The following ZNF225 variants were observed in gnomAD, a reference collection of about 807,000 sequenced individuals.
ZNF225 encodes the protein zinc finger protein 225.
A neutral mutation model predicts 12.0 loss-of-function variants in ZNF225; 6 were observed. The ratio of observed to expected loss-of-function variants is 0.50; its 90% CI spans 0.27 to 0.98. The LOEUF (loss-of-function observed/expected upper bound fraction) is 0.98. Among genes scored for constraint, ZNF225 ranks in the 50% least tolerant of loss-of-function variants. The pLI is 0.11. For synonymous variants in ZNF225, 271 were observed against 283.2 expected (o/e 0.96, Z 0.43); for missense variants, 763 against 848.2 (o/e 0.90, Z 1.25).
Position 44,122,687 on chromosome 19 carries a change from T to C in ZNF225, c.235+4113T>C, listed in dbSNP as rs570069997. 3.3e-5 allele frequency among the ~76,000 whole-genome samples: 5 copies of C among 152,308 alleles called. 1 individual carries two copies. Among genetic ancestry groups the C allele is most frequent in the Admixed American group, 3.3e-4 (5 of 15,302 alleles). On this transcript the variant is annotated intron_variant, in intron 4 of 4. Coordinates refer to ENST00000262894, the MANE Select transcript of ZNF225 (RefSeq NM_013362.4). ...TATGATTTCTTTCAGCAGCATTCTGTAGTTTTCCTTGTAGAGGTCTTTTGA... is the reference window on the plus strand; with the variant it reads ...TATGATTTCTTTCAGCAGCATTCTGCAGTTTTCCTTGTAGAGGTCTTTTGA...
chr19:44,119,585 C>T (rs564394533), intron 4 of ZNF225, among the ~76,000 whole-genome samples: 1 of 152,330 alleles, frequency 6.6e-6, no homozygotes, highest in Non-Finnish European at 1.5e-5. Flanking sequence ...TTATGCCTCT[C>T]TCTCCTGCCT....
intron 4 of ZNF225, among the ~76,000 whole-genome samples, chr19:44,127,064 C>A (rs1483736770): frequency 1.3e-5 from 2 of 152,354 alleles, no homozygotes. Flanking sequence ...AGGCTTCTTG[C>A]CTGGTTCAAA....
chr19:44,115,659 G>T, intron 1 of ZNF225, 101 bp from the exon 2 acceptor site: 1 of 578,794 alleles, frequency 1.7e-6, no homozygotes, highest in South Asian at 2.7e-5. Context: ...ATGCTGTTGG[G>T]AACATTCATG....
intron 2 of ZNF225, among the ~76,000 whole-genome samples, chr19:44,117,789 C>T (rs1301217180): frequency 3.3e-5 from 5 of 152,150 alleles, no homozygotes; most frequent in Non-Finnish European, 7.4e-5. Flanking sequence ...GAGGCCGAGG[C>T]AGGCGGATCA....
chr19:44,117,063 A>T (rs1348555051), intron 2 of ZNF225, among the ~76,000 whole-genome samples: 1 of 152,236 alleles, frequency 6.6e-6, no homozygotes. Flanking sequence ...TTGGAATACT[A>T]TGCAGACATG....
At chr19:44,123,184 G>GC in intron 4 of ZNF225, among the ~76,000 whole-genome samples, 1 of 152,058 alleles carries the variant, frequency 6.6e-6, no homozygotes, top group East Asian at 1.9e-4. Flanking sequence ...TGCCGATTTT[G>GC]TGAGTTTTAA....
Position 44,131,258 on chromosome 19 carries a change from A to C in ZNF225, c.644A>C (p.Gln215Pro), listed in dbSNP as rs1338352658. 1 of 1,614,140 alleles carries C rather than the reference A, an allele frequency of 6.2e-7. No homozygotes were observed. Among genetic ancestry groups the C allele is most frequent in the African/African-American group, 1.3e-5 (1 of 74,948 alleles). Residue 215 changes from glutamine (Q) to proline (P), a missense_variant, in exon 5 of 5, where the codon CAG (glutamine) becomes CCG (proline). Transcript: ENST00000262894. Reference protein sequence around the residue: ...NCDVCGKEFNQSSHLQIHQRI... With the variant: ...NCDVCGKEFNPSSHLQIHQRI... ...GATGTGTGTGGTAAGGAATTCAATCAGAGCTCACATCTGCAAATTCATCAG... is the reference window on the plus strand; with the variant it reads ...GATGTGTGTGGTAAGGAATTCAATCCGAGCTCACATCTGCAAATTCATCAG...
In ZNF225 at chr19:44,118,554, C is replaced by G; in HGVS notation, c.215C>G (p.Thr72Ser). ...EEKFWMMETA[T>S]QREGNLGGKI... ...AAGTTTTGGATGATGGAGACAGCAA[C>G]CCAAAGAGAAGGGAATTTAGGTAAG... Residue 72 changes from threonine to serine, a missense_variant, in exon 4 of 5, where the codon ACC becomes AGC. Transcript: ENST00000262894. 1.9e-6 allele frequency: 3 copies of G among 1,613,012 alleles called. No individual in the cohort carries two copies. Among genetic ancestry groups the G allele is most frequent in the Non-Finnish European group, 2.5e-6 (3 of 1,179,298 alleles).
chr19:44,129,875 G>C (rs750094216), intron 4 of ZNF225: 2 of 152,176 alleles, frequency 1.3e-5, no homozygotes, highest in African/African-American at 2.4e-5. Context: ...TGTGACTTAG[G>C]ATAATTTCTT....
rs1249584342 is a variant in ZNF225, at chr19:44,132,309, G to C, written c.1695G>C (p.Glu565Asp). 6.2e-7 allele frequency: 1 copy of C among 1,613,804 alleles called. No homozygotes were observed. The highest frequency in any genetic ancestry group is 2.2e-5 in the East Asian group (1 of 44,850). Residue 565 changes from glutamate to aspartate, a missense_variant, in exon 5 of 5, where the codon GAG becomes GAC. By Grantham distance (45) the Glu-to-Asp change is conservative. Coordinates refer to ENST00000262894, the MANE Select transcript of ZNF225 (RefSeq NM_013362.4). ...TGCACCAGAGGGTCCACACCGGAGA[G>C]AGACCTTATAATTGTAAAGAATGTG... is the stretch of plus-strand genomic sequence containing the variant. ...LDMHQRVHTGERPYNCKECGK... is the reference protein window; with the variant it reads ...LDMHQRVHTGDRPYNCKECGK...
chr19:44,127,951 C>T lies in ZNF225; in HGVS notation c.236-2899C>T, dbSNP rs138566624. On this transcript the variant is annotated intron_variant, in intron 4 of 4. Transcript: ENST00000262894. ...AGCCACCACTCCTAGCCAAAAAAAA[C>T]CTTTTCAAAGGAAGATTCTGATGTC... is the stretch of plus-strand genomic sequence containing the variant. Among the ~76,000 whole-genome samples the T allele has an allele frequency of 1.6e-4, 25 of 152,232 alleles. No homozygotes were observed. The East Asian group carries it at 4.6e-3, about 28-fold the overall frequency.
At position 44,130,739 on chromosome 19, in the gene ZNF225, G is replaced by C. The variant is rs1460770620; in HGVS notation, c.236-111G>C. 1.7e-5 allele frequency: 10 copies of C among 575,530 alleles called. 1 individual carries two copies. In the South Asian group the frequency reaches 2.3e-4, roughly 13 times the overall value. 35.7% of individuals were successfully genotyped at this position (575,530 alleles called of 1,614,324 possible). On this transcript the variant is annotated intron_variant, in intron 4 of 4. Transcript: ENST00000262894. Reference sequence around the variant, plus strand: ...AAAAAAAAAAAGGAAAATACAATCTGAACATTCCCTATATTTATTAAAATT... The same window carrying C: ...AAAAAAAAAAAGGAAAATACAATCTCAACATTCCCTATATTTATTAAAATT...
intron 4 of ZNF225, among the ~76,000 whole-genome samples, chr19:44,119,657 G>T (rs913265238): frequency 2.0e-5 from 3 of 152,138 alleles, no homozygotes; most frequent in African/African-American, 7.2e-5. Context: ...TCTCTTTCTT[G>T]TTAGCTGATT....
At chr19:44,114,695 G>A (rs1967903368) in intron 1 of ZNF225, among the ~76,000 whole-genome samples, 1 of 152,186 alleles carries the variant, frequency 6.6e-6, no homozygotes, top group African/African-American at 2.4e-5. Context: ...ATTTTTAGTA[G>A]AGAAGGGATT....
rs1033572008 is a variant in ZNF225, at chr19:44,118,132, C to T, written c.16-56C>T. ...TCCCCTCTGTCTGCTCAGTGCCACCCCTCTCTCAGTAGTCATTGGTCATGA... is the reference window on the plus strand; with the variant it reads ...TCCCCTCTGTCTGCTCAGTGCCACCTCTCTCTCAGTAGTCATTGGTCATGA... On this transcript the variant is annotated intron_variant, in intron 2 of 4. Transcript: ENST00000262894. The T allele has an allele frequency of 1.1e-5, 17 of 1,571,636 alleles. No individual in the cohort carries two copies. In the Admixed American group the frequency reaches 1.3e-4, roughly 12 times the overall value.
At chr19:44,128,656 C>T (rs1968192782) in intron 4 of ZNF225, 1 of 172,958 alleles carries the variant, frequency 5.8e-6, no homozygotes, top group Non-Finnish European at 1.2e-5. Flanking sequence ...AGAAATACAT[C>T]TTTCATCATC....
chr19:44,123,684 G>A (rs1328999985), intron 4 of ZNF225, among the ~76,000 whole-genome samples: 2 of 152,050 alleles, frequency 1.3e-5, no homozygotes, highest in Non-Finnish European at 2.9e-5. Flanking sequence ...TTATTGGTCT[G>A]TTCAGGATAT....
chr19:44,114,742 C>G (rs1367700801), intron 1 of ZNF225, among the ~76,000 whole-genome samples: 1 of 152,212 alleles, frequency 6.6e-6, no homozygotes, highest in Non-Finnish European at 1.5e-5. Context: ...GACTCCTGAC[C>G]TCAGGTGATT....
intron 4 of ZNF225, among the ~76,000 whole-genome samples, chr19:44,120,531 C>T (rs1182787157): frequency 1.3e-5 from 2 of 152,108 alleles, no homozygotes; most frequent in Non-Finnish European, 2.9e-5. Context: ...TATTGCAGAA[C>T]ATGTTTCTGT....
Sources: gnomAD v4.1 joint callset for allele counts (sites outside exome capture counted in the v4.1 genomes callset) on GRCh38, gnomAD v4.1.1 for gene constraint, MANE v1.5 for transcripts, NCBI Gene and HGNC (gene_info 2026-07-23, HGNC 2026-07-21) for gene names.